PDE11A: variants seen among roughly 807,000 people sequenced by gnomAD.
PDE11A encodes dual 3',5'-cyclic-AMP and -GMP phosphodiesterase 11A.
Under a neutral mutation model 100.5 loss-of-function variants are expected in PDE11A, and 100 were observed. The observed-to-expected ratio is 1.00, with a 90% CI of 0.85 to 1.18. PDE11A has a LOEUF of 1.18. Ranked by LOEUF, PDE11A falls within the 50% of genes most tolerant of loss-of-function variation. The pLI, the probability that PDE11A is intolerant of heterozygous loss-of-function variation, is 0.00. For missense variants in PDE11A, 1,141 were observed against 1,152.6 expected (o/e 0.99, Z 0.15); for synonymous variants, 381 against 420.8 (o/e 0.91, Z 1.16).
At chr2:177,801,122 AT>A (rs1457027051) in intron 9 of PDE11A, among the ~76,000 whole-genome samples, 1 of 152,256 alleles carries the variant, frequency 6.6e-6, no homozygotes, top group African/African-American at 2.4e-5. Flanking sequence ...TTTGAATGAA[AT>A]TTATAAAACA....
At chr2:178,078,295 C>T (rs934973364) in intron 2 of PDE11A, among the ~76,000 whole-genome samples, 6 of 152,156 alleles carry the variant, frequency 3.9e-5, no homozygotes, top group Admixed American at 6.5e-5. Context: ...CCTGCTTCCA[C>T]ACATTTGGTC....
chr2:177,815,470 A>G (rs1167994826), intron 9 of PDE11A, among the ~76,000 whole-genome samples: 1 of 152,160 alleles, frequency 6.6e-6, no homozygotes, highest in Non-Finnish European at 1.5e-5. Flanking sequence ...TTTAGTCCTT[A>G]CTATAAAAAG....
intron 9 of PDE11A, among the ~76,000 whole-genome samples, chr2:177,812,628 G>A (rs962935217): frequency 6.6e-6 from 1 of 152,076 alleles, no homozygotes; most frequent in African/African-American, 2.4e-5. Flanking sequence ...CCTGAGAAAA[G>A]GGAGGTTTGG....
chr2:177,838,077 C>T lies in PDE11A; in HGVS notation c.1500+2174G>A, dbSNP rs530114541. Among the ~76,000 whole-genome samples the T allele has an allele frequency of 8.0e-4, 122 of 152,234 alleles. No homozygotes were observed. In the Middle Eastern group the frequency reaches 0.01, roughly 13 times the overall value. The stretch of plus-strand genomic sequence containing the variant: ...GAGGCCCTAAAATAATTTCTGATGG[C>T]CTGTGACTCCTTGGCAAAAACAGAA... On this transcript the variant is annotated intron_variant, in intron 6 of 19. Transcript: ENST00000286063.
intron 2 of PDE11A, among the ~76,000 whole-genome samples, chr2:178,003,565 G>C (rs2086169825): frequency 6.6e-6 from 1 of 152,108 alleles, no homozygotes; most frequent in South Asian, 2.1e-4. Flanking sequence ...CTGGTATTAG[G>C]AGTAGGAGAG....
At chr2:177,841,842 C>G (rs1185341444) in intron 5 of PDE11A, among the ~76,000 whole-genome samples, 1 of 152,090 alleles carries the variant, frequency 6.6e-6, no homozygotes, top group Non-Finnish European at 1.5e-5. Context: ...AGTAAAAAGA[C>G]TGAGTACTTC....
chr2:177,626,355 T>C lies in PDE11A; in HGVS notation c.*3052A>G, dbSNP rs115473118. 104 of 152,724 alleles carry C rather than the reference T, an allele frequency of 6.8e-4. No homozygotes were observed. Among genetic ancestry groups the C allele is most frequent in the African/African-American group, 2.4e-3 (100 of 41,560 alleles). The allele number at this position is 152,724 out of a possible 1,614,324, so 9.5% of individuals were successfully genotyped here. On this transcript the variant is annotated 3_prime_UTR_variant, in exon 20 of 20. Coordinates refer to ENST00000286063, the MANE Select transcript of PDE11A (RefSeq NM_016953.4). Reference sequence around the variant, plus strand: ...CCATTTGTCTGGGCTATTTATTTATTTATTGTTGGGGAGGATAACAGATGT... The same window carrying C: ...CCATTTGTCTGGGCTATTTATTTATCTATTGTTGGGGAGGATAACAGATGT...
At chr2:177,839,639 C>CA (rs1268330333) in intron 6 of PDE11A, among the ~76,000 whole-genome samples, 8 of 151,972 alleles carry the variant, frequency 5.3e-5, no homozygotes, top group Non-Finnish European at 8.8e-5. Flanking sequence ...CCTTCCTCAC[C>CA]AAAAAAATGC....
At chr2:177,817,291 T>C (rs1456047550) in intron 8 of PDE11A, among the ~76,000 whole-genome samples, 2 of 152,196 alleles carry the variant, frequency 1.3e-5, no homozygotes, top group African/African-American at 4.8e-5. Flanking sequence ...TAAAATACTT[T>C]GGTAAAGAAA....
chr2:177,695,033 C>T (rs1559146829), intron 15 of PDE11A, among the ~76,000 whole-genome samples: 2 of 150,400 alleles, frequency 1.3e-5, no homozygotes, highest in Non-Finnish European at 3.0e-5. Flanking sequence ...TCTGTCTTTC[C>T]TATCGGATGC....
intron 2 of PDE11A, among the ~76,000 whole-genome samples, chr2:177,921,092 C>CT (rs58365596): frequency 0.082 from 11,390 of 138,112 alleles, 522 homozygotes; most frequent in Non-Finnish European, 0.11. Flanking sequence ...TCAAAAATAA[C>CT]TTTTTTTTTT....
At chr2:177,966,260 A>G (rs2085696211) in intron 2 of PDE11A, among the ~76,000 whole-genome samples, 1 of 152,198 alleles carries the variant, frequency 6.6e-6, no homozygotes, top group Non-Finnish European at 1.5e-5. Flanking sequence ...TTTGGGGCAC[A>G]GAGTATGGGA....
chr2:177,852,057 T>C (rs2105650013), intron 5 of PDE11A, among the ~76,000 whole-genome samples: 1 of 152,192 alleles, frequency 6.6e-6, no homozygotes, highest in South Asian at 2.1e-4. Flanking sequence ...GAGTCCAGAG[T>C]TCCCTATGTA....
chr2:177,970,926 C>T (rs2085761283), intron 2 of PDE11A, among the ~76,000 whole-genome samples: 1 of 152,124 alleles, frequency 6.6e-6, no homozygotes, highest in Non-Finnish European at 1.5e-5. Context: ...TCAACTGCTT[C>T]AGAGAGATTA....
chr2:177,996,571 G>A (rs1291820922), intron 2 of PDE11A, among the ~76,000 whole-genome samples: 1 of 151,702 alleles, frequency 6.6e-6, no homozygotes, highest in Non-Finnish European at 1.5e-5. Flanking sequence ...GTATTCAAAA[G>A]TTTGTATCAT....
chr2:177,668,752 T>C lies in PDE11A; in HGVS notation c.2562+741A>G, dbSNP rs549472356. On this transcript the variant is annotated intron_variant, in intron 18 of 19. Coordinates refer to ENST00000286063, the MANE Select transcript of PDE11A (RefSeq NM_016953.4). ...TCTCATAAACAGACATTCTTGACAA[T>C]TGATACCTTCCTTGAGTATCACTAA... 3.3e-5 allele frequency among the ~76,000 whole-genome samples: 5 copies of C among 152,328 alleles called. No individual in the cohort carries two copies. The South Asian group carries it at 1.0e-3, about 32-fold the overall frequency.
chr2:177,772,469 G>A (rs1246945511), intron 9 of PDE11A, among the ~76,000 whole-genome samples: 1 of 152,004 alleles, frequency 6.6e-6, no homozygotes, highest in Non-Finnish European at 1.5e-5. Flanking sequence ...AATATCAATA[G>A]GTATTTCAGT....
rs149632181 is a variant in PDE11A at position 177,647,030 on chromosome 2, G to A, written c.2646+16836C>T. Among the ~76,000 whole-genome samples, 291 of 152,290 alleles carry A rather than the reference G, an allele frequency of 1.9e-3. 2 individuals are homozygous for A. The highest frequency in any genetic ancestry group is 6.1e-3 in the African/African-American group (252 of 41,558). On this transcript the variant is annotated intron_variant, in intron 19 of 19. Coordinates refer to ENST00000286063, the MANE Select transcript of PDE11A (RefSeq NM_016953.4). ...GTGTAGGCAACTTCTGACTTGGAAG[G>A]AATGGCTGCTGACCCAGAAGCCACA...
At chr2:177,707,693 G>A (rs368455408) in intron 13 of PDE11A, among the ~76,000 whole-genome samples, 2 of 151,982 alleles carry the variant, frequency 1.3e-5, no homozygotes, top group East Asian at 3.9e-4. Flanking sequence ...TTAATATCAC[G>A]GTAATCCAAC....
Sources: allele counts gnomAD v4.1 joint callset (sites outside exome capture counted in the v4.1 genomes callset), GRCh38; gene constraint gnomAD v4.1.1; transcripts MANE v1.5; gene names NCBI Gene and HGNC (gene_info 2026-07-23, HGNC 2026-07-21).